The following MYO18B variants were observed in gnomAD, a reference collection of about 807,000 sequenced individuals.
The protein encoded by MYO18B is myosin XVIIIB.
A neutral mutation model predicts 273.0 loss-of-function variants in MYO18B; 204 were observed. The observed-to-expected ratio is 0.75, with a 90% CI of 0.67 to 0.84. The LOEUF (loss-of-function observed/expected upper bound fraction) is 0.84, where lower values mean the gene tolerates loss of function less well. MYO18B is among the 40% of genes least tolerant of loss of function. MYO18B has a pLI of 0.00. For missense variants in MYO18B, 3,212 were observed against 3,287.6 expected, an observed-to-expected ratio of 0.98 and a Z score of 0.56; for synonymous variants, 1,330 against 1,305.7, an observed-to-expected ratio of 1.02 and a Z score of -0.40.
intron 34 of MYO18B, among the ~76,000 whole-genome samples, chr22:25,925,162 C>A (rs1201687110): frequency 2.0e-5 from 3 of 152,128 alleles, no homozygotes; most frequent in Non-Finnish European, 4.4e-5. Context: ...TGGGGTTTCT[C>A]AAATTTGGCT....
chr22:25,878,157 G>A, intron 25 of MYO18B, 109 bp downstream of exon 25: 2 of 867,792 alleles, frequency 2.3e-6, no homozygotes, highest in South Asian at 3.6e-5. Flanking sequence ...TGCTTTACAA[G>A]CACCCCAGAA....
intron 11 of MYO18B, among the ~76,000 whole-genome samples, chr22:25,789,123 CTCT>C (rs1194096498): frequency 9.7e-5 from 14 of 144,766 alleles, no homozygotes; most frequent in Middle Eastern, 7.0e-3. Context: ...CCTCCTCCTC[CTCT>C]TCCTCCTCCT....
chr22:25,782,682 C>T (rs1017948748), intron 10 of MYO18B, among the ~76,000 whole-genome samples: 2 of 152,206 alleles, frequency 1.3e-5, no homozygotes, highest in African/African-American at 4.8e-5. Context: ...TCTAACCTCA[C>T]CATTGTTTGT....
At position 26,027,636 on chromosome 22, in the gene MYO18B, C is replaced by G. The variant is rs780180192; in HGVS notation, c.7662C>G (p.Asp2554Glu). The change falls in exon 43 of 44, where the codon GAC becomes GAG. Residue 2554 changes from aspartate to glutamate, a missense_variant. Physicochemically the swap from Asp to Glu is conservative, Grantham distance 45 (BLOSUM62 2). Transcript: ENST00000335473. The surrounding 1 kb of genome is among the most constrained non-coding windows in gnomAD (Gnocchi z 4.1). ...ERREPGTGRK[D>E]DDVASIMKKY... ...GAGAGCCAGGGACGGGGAGGAAAGACGACGATGTTGCGAGCATAATGAAGA... is the reference window on the plus strand; with the variant it reads ...GAGAGCCAGGGACGGGGAGGAAAGAGGACGATGTTGCGAGCATAATGAAGA... 6.2e-7 allele frequency: 1 copy of G among 1,613,520 alleles called. No individual in the cohort carries two copies. Among genetic ancestry groups the G allele is most frequent in the African/African-American group, 1.3e-5 (1 of 74,878 alleles).
rs557607855 is a variant in MYO18B, at chr22:25,832,968, G to T, written c.3031G>T (p.Val1011Leu). ...DLPDPSPGTTVAVVDQNPSQV... is the reference protein window; with the variant it reads ...DLPDPSPGTTLAVVDQNPSQV... ...CCCGGACCCCTCCCCAGGGACCACC[G>T]TGGCTGTTGTGGATCAAAATCCCTC... The change falls in exon 16 of 44, where the codon GTG becomes TTG. Residue 1011 changes from valine to leucine, a missense_variant. Val to Leu is a conservative substitution (Grantham distance 32, BLOSUM62 1). Coordinates refer to ENST00000335473, the MANE Select transcript of MYO18B (RefSeq NM_032608.7). The T allele has an allele frequency of 1.4e-5, 23 of 1,613,782 alleles. No homozygotes were observed. In the East Asian group the frequency reaches 4.5e-4, roughly 31 times the overall value.
At position 25,971,220 on chromosome 22, in the gene MYO18B, G is replaced by A. The variant is rs1232409534; in HGVS notation, c.6156+15856G>A. ...AAAAACAGATGGTGGACTGGATTTGGCCCACGGGCTGTAGTTGGCCAACTC... is the reference window on the plus strand; with the variant it reads ...AAAAACAGATGGTGGACTGGATTTGACCCACGGGCTGTAGTTGGCCAACTC... On this transcript the variant is annotated intron_variant, in intron 39 of 43. Transcript: ENST00000335473. Among the ~76,000 whole-genome samples the A allele has an allele frequency of 2.0e-5, 3 of 152,312 alleles. No homozygotes were observed. The East Asian group carries it at 5.8e-4, about 29-fold the overall frequency.
chr22:25,860,613 T>G (rs1290282297), intron 21 of MYO18B, among the ~76,000 whole-genome samples: 1 of 152,218 alleles, frequency 6.6e-6, no homozygotes, highest in Non-Finnish European at 1.5e-5. Context: ...GTGTATTAAT[T>G]TCTACATATT....
At chr22:25,879,580 G>T (rs2091284670) in intron 25 of MYO18B, among the ~76,000 whole-genome samples, 1 of 152,034 alleles carries the variant, frequency 6.6e-6, no homozygotes, top group South Asian at 2.1e-4. Context: ...ATGGGCATGG[G>T]TATTGATTTC....
intron 33 of MYO18B, among the ~76,000 whole-genome samples, chr22:25,913,453 T>A (rs959930421): frequency 8.5e-5 from 13 of 152,238 alleles, no homozygotes; most frequent in African/African-American, 3.1e-4. Context: ...AAGCTCCGCT[T>A]CCTGGGTTCA....
At chr22:25,947,138 T>G (rs1040459446) in intron 35 of MYO18B, among the ~76,000 whole-genome samples, 1 of 150,042 alleles carries the variant, frequency 6.7e-6, no homozygotes, top group Non-Finnish European at 1.5e-5. Flanking sequence ...TACACATACA[T>G]GCGCACACGT....
At chr22:26,031,257 A>G (rs1936659153), downstream of MYO18B, among the ~76,000 whole-genome samples, 1 of 152,128 alleles carries the variant, frequency 6.6e-6, no homozygotes, top group South Asian at 2.1e-4. Context: ...CCTCTGGTGT[A>G]GCCAATCATA....
intron 42 of MYO18B, among the ~76,000 whole-genome samples, chr22:26,010,810 C>A (rs1934849167): frequency 6.6e-6 from 1 of 152,130 alleles, no homozygotes; most frequent in Non-Finnish European, 1.5e-5. Context: ...AGCAGAAAAC[C>A]ATGAGCACAA....
chr22:25,876,615 CAG>C (rs1214581279), intron 24 of MYO18B, among the ~76,000 whole-genome samples: 3 of 146,934 alleles, frequency 2.0e-5, no homozygotes, highest in African/African-American at 7.7e-5. Flanking sequence ...GCTCAATGGG[CAG>C]AGTCTTTGAG....
chr22:25,962,930 A>G (rs2092932672), intron 39 of MYO18B, among the ~76,000 whole-genome samples: 1 of 152,158 alleles, frequency 6.6e-6, no homozygotes. Context: ...TTACAGGGAT[A>G]TAAACACAGA....
At chr22:25,793,476 C>T (rs569803852) in intron 11 of MYO18B, among the ~76,000 whole-genome samples, 3 of 152,224 alleles carry the variant, frequency 2.0e-5, no homozygotes, top group South Asian at 2.1e-4. Flanking sequence ...TAGACATAAG[C>T]GATCCTTCCA....
At chr22:26,053,814 G>A in the MYO18B span, among the ~76,000 whole-genome samples, 1 of 152,190 alleles carries the variant, frequency 6.6e-6, no homozygotes, top group East Asian at 1.9e-4. Flanking sequence ...ACCCGGACTA[G>A]CTATGAAGGA....
intron 34 of MYO18B, among the ~76,000 whole-genome samples, chr22:25,939,486 T>C (rs543301210): frequency 6.6e-6 from 1 of 152,316 alleles, no homozygotes; most frequent in East Asian, 1.9e-4. Flanking sequence ...TTTATTTTCA[T>C]AGTCTCAGCA....
intron 42 of MYO18B, among the ~76,000 whole-genome samples, chr22:26,010,966 C>T (rs1235047410): frequency 6.6e-6 from 1 of 151,762 alleles, no homozygotes; most frequent in African/African-American, 2.4e-5. Flanking sequence ...ACCAAGAAAC[C>T]TCTGCGTAAT....
chr22:25,946,347 G>C, intron 35 of MYO18B, 97 bp downstream of exon 35: 2 of 775,006 alleles, frequency 2.6e-6, no homozygotes, highest in Non-Finnish European at 4.1e-6. Context: ...TAGGAAGTAT[G>C]AGGACATTTA....
Sources: gnomAD v4.1 joint callset for allele counts (sites outside exome capture counted in the v4.1 genomes callset) on GRCh38, gnomAD v4.1.1 for gene constraint, Gnocchi (gnomAD v3.1) non-coding constraint, MANE v1.5 for transcripts, NCBI Gene and HGNC (gene_info 2026-07-23, HGNC 2026-07-21) for gene names.